Variants in CRIM1 observed in about 807,000 individuals in gnomAD.
CRIM1 encodes the protein cysteine-rich motor neuron 1 protein.
CRIM1 carries 32 observed loss-of-function variants against 116.4 expected under a neutral mutation model. That is an observed-to-expected ratio of 0.27 (90% confidence interval 0.21 to 0.37). The LOEUF (loss-of-function observed/expected upper bound fraction) is 0.37, where lower values mean the gene tolerates loss of function less well. CRIM1 is among the 10% of genes least tolerant of loss of function. The pLI is 1.00. For synonymous variants in CRIM1, 590 were observed against 509.2 expected (o/e 1.16, Z -2.13); for missense variants, 1,331 against 1,354.8 (o/e 0.98, Z 0.28).
chr2:36,452,118 T>G (rs953897733), intron 4 of CRIM1, among the ~76,000 whole-genome samples: 19 of 136,444 alleles, frequency 1.4e-4, no homozygotes, highest in African/African-American at 3.5e-4. Flanking sequence ...CAGTTTGGGT[T>G]TTTTTTTTTT....
At chr2:36,505,222 G>A (rs1045726575) in intron 8 of CRIM1, among the ~76,000 whole-genome samples, 1 of 152,156 alleles carries the variant, frequency 6.6e-6, no homozygotes, top group Non-Finnish European at 1.5e-5. Flanking sequence ...AGGTTTGTAG[G>A]AATTGCCAGC....
intron 1 of CRIM1, among the ~76,000 whole-genome samples, chr2:36,364,239 A>T (rs929264183): frequency 6.6e-6 from 1 of 152,236 alleles, no homozygotes; most frequent in Non-Finnish European, 1.5e-5. Context: ...CCAGTGTCAC[A>T]GGTGCCAGGA....
intron 2 of CRIM1, among the ~76,000 whole-genome samples, chr2:36,434,814 G>A (rs994864547): frequency 3.9e-4 from 59 of 152,030 alleles, no homozygotes; most frequent in African/African-American, 1.4e-3. Flanking sequence ...TGAAGAGTAG[G>A]CCCTTTCTTC....
At chr2:36,504,525 G>A (rs1342282453) in intron 8 of CRIM1, among the ~76,000 whole-genome samples, 5 of 152,000 alleles carry the variant, frequency 3.3e-5, no homozygotes, top group African/African-American at 7.3e-5. Flanking sequence ...CGTTTTAATC[G>A]GTAACAAATA....
chr2:36,523,632 A>G (rs138641838), intron 13 of CRIM1, among the ~76,000 whole-genome samples: 1,759 of 152,350 alleles, frequency 0.012, 38 homozygotes, highest in African/African-American at 0.041. Context: ...TGCACCTATA[A>G]TCAGAGTAGC....
chr2:36,520,643 A>G (rs1053983853), intron 12 of CRIM1, among the ~76,000 whole-genome samples: 2 of 152,174 alleles, frequency 1.3e-5, no homozygotes, highest in African/African-American at 4.8e-5. Context: ...CATAGGAGAT[A>G]CAGTTACTCA....
rs761712909 is a variant in CRIM1, at chr2:36,396,581, A to G, written c.332-33A>G. The stretch of plus-strand genomic sequence containing the variant: ...AACAGGCCTTTGAATGAAGCTGCAA[A>G]CACACATTATCTGGTTGTTAATTGT... On this transcript the variant is annotated intron_variant, in intron 1 of 16. Transcript: ENST00000280527. The G allele has an allele frequency of 2.7e-6, 4 of 1,479,766 alleles. No homozygotes were observed. The South Asian group carries it at 4.4e-5, about 16-fold the overall frequency. The allele number at this position is 1,479,766 out of a possible 1,614,324, so 91.7% of individuals were successfully genotyped here.
At chr2:36,481,111 C>T (rs993830321) in intron 7 of CRIM1, among the ~76,000 whole-genome samples, 11 of 152,140 alleles carry the variant, frequency 7.2e-5, no homozygotes, top group Admixed American at 2.0e-4. Flanking sequence ...GCCTTTTAAC[C>T]TCATGGGTCT....
chr2:36,417,696 A>T (rs909918084), intron 2 of CRIM1, among the ~76,000 whole-genome samples: 1 of 152,338 alleles, frequency 6.6e-6, no homozygotes, highest in African/African-American at 2.4e-5. Context: ...GTTTAAATGC[A>T]GTGAGCATTT....
At chr2:36,459,826 A>G (rs1677439972) in intron 4 of CRIM1, among the ~76,000 whole-genome samples, 1 of 152,096 alleles carries the variant, frequency 6.6e-6, no homozygotes, top group Non-Finnish European at 1.5e-5. Flanking sequence ...AGGAACCAGT[A>G]GAATATGGAA....
chr2:36,544,284 C>A (rs1667157642), intron 14 of CRIM1, 92 bp from the exon 15 acceptor site: 4 of 1,152,648 alleles, frequency 3.5e-6, no homozygotes, highest in Non-Finnish European at 4.5e-6. Flanking sequence ...GAAATGTGGT[C>A]TTGAATTGAG....
intron 13 of CRIM1, among the ~76,000 whole-genome samples, chr2:36,530,591 T>G (rs1231936375): frequency 6.6e-6 from 1 of 152,192 alleles, no homozygotes; most frequent in East Asian, 1.9e-4. Context: ...CTGTAATGCA[T>G]TGTTACAGGT....
intron 11 of CRIM1, among the ~76,000 whole-genome samples, chr2:36,514,537 T>C (rs1436112340): frequency 6.6e-6 from 1 of 152,220 alleles, no homozygotes; most frequent in Non-Finnish European, 1.5e-5. Flanking sequence ...AAAGATTGAC[T>C]GTCTTACCAA....
intron 7 of CRIM1, among the ~76,000 whole-genome samples, chr2:36,495,488 T>A (rs866369467): frequency 0.032 from 4,815 of 149,710 alleles, 243 homozygotes; most frequent in African/African-American, 0.11. Flanking sequence ...TTTTTTTTTT[T>A]TTTTTTTTGG....
intron 1 of CRIM1, among the ~76,000 whole-genome samples, chr2:36,386,962 T>C (rs1417844683): frequency 6.6e-6 from 1 of 152,184 alleles, no homozygotes; most frequent in Non-Finnish European, 1.5e-5. Flanking sequence ...TCACTAAGTC[T>C]TACTGGAGGA....
At chr2:36,513,306 A>G in intron 10 of CRIM1, 1 of 491,092 alleles carries the variant, frequency 2.0e-6, no homozygotes, top group South Asian at 2.6e-5. Context: ...GTACAGTGGA[A>G]GGAATAAAAA....
chr2:36,424,142 T>A (rs963732280), intron 2 of CRIM1, among the ~76,000 whole-genome samples: 1 of 152,192 alleles, frequency 6.6e-6, no homozygotes, highest in Non-Finnish European at 1.5e-5. Flanking sequence ...GAAATCACAT[T>A]TGGTCATGGA....
intron 13 of CRIM1, among the ~76,000 whole-genome samples, chr2:36,536,819 C>A (rs1666586196): frequency 6.6e-6 from 1 of 151,930 alleles, no homozygotes; most frequent in African/African-American, 2.4e-5. Flanking sequence ...AAATGGATTG[C>A]CATGAAATGA....
At chr2:36,469,599 A>C (rs963655152) in intron 5 of CRIM1, among the ~76,000 whole-genome samples, 1 of 152,216 alleles carries the variant, frequency 6.6e-6, no homozygotes, top group Non-Finnish European at 1.5e-5. Flanking sequence ...CTTGCTCCTC[A>C]TGTAAAATTT....
Sources: allele counts gnomAD v4.1 joint callset (sites outside exome capture counted in the v4.1 genomes callset), GRCh38; gene constraint gnomAD v4.1.1; transcripts MANE v1.5; gene names NCBI Gene and HGNC (gene_info 2026-07-23, HGNC 2026-07-21).